The following CNOT10 variants were observed in gnomAD, a reference collection of about 807,000 sequenced individuals.
CNOT10 encodes the protein CCR4-NOT transcription complex, subunit 10.
Under a neutral mutation model 94.6 loss-of-function variants are expected in CNOT10, and 30 were observed. That is an observed-to-expected ratio of 0.32 (90% CI 0.24 to 0.43). The LOEUF is 0.43. CNOT10 is among the 20% of genes least tolerant of loss of function. The pLI is 1.00. For missense variants in CNOT10, 759 were observed against 877.2 expected, an observed-to-expected ratio of 0.87 and a Z score of 1.70; for synonymous variants, 289 against 301.6, an observed-to-expected ratio of 0.96 and a Z score of 0.43.
rs777391696 is a variant in CNOT10, at chr3:32,755,319, C to CT, written c.1596-4123dup. On this transcript the variant is annotated intron_variant, in intron 13 of 18. Transcript: ENST00000328834. ...TATTTTCTTTTTTCTTTTTCTTTTTCTTTTTTTTTTTTTTTTGAGACAGAG... is the reference window on the plus strand; with the variant it reads ...TATTTTCTTTTTTCTTTTTCTTTTTCTTTTTTTTTTTTTTTTTGAGACAGAG... 5.1e-3 allele frequency among the ~76,000 whole-genome samples: 668 copies of CT among 131,142 alleles called. 2 individuals carry two copies. Among genetic ancestry groups the CT allele is most frequent in the African/African-American group, 9.2e-3 (328 of 35,616 alleles). The allele number at this position is 131,142 out of a possible 152,430, so 86.0% of individuals were successfully genotyped here. A position where few individuals can be genotyped will look rare whatever the true frequency, so the allele number is the denominator to read the frequency against.
At chr3:32,737,885 A>G (rs951322326) in intron 13 of CNOT10, among the ~76,000 whole-genome samples, 10 of 152,130 alleles carry the variant, frequency 6.6e-5, no homozygotes, top group East Asian at 1.9e-4. Flanking sequence ...TGTTAAACCA[A>G]TCTTTCAATC....
chr3:32,728,144 A>T (rs1698768791), intron 10 of CNOT10, among the ~76,000 whole-genome samples: 1 of 151,824 alleles, frequency 6.6e-6, no homozygotes, highest in Admixed American at 6.6e-5. Flanking sequence ...CCACATGCAC[A>T]TGCCACCACG....
chr3:32,746,316 A>T (rs186707281), intron 13 of CNOT10, among the ~76,000 whole-genome samples: 1 of 152,164 alleles, frequency 6.6e-6, no homozygotes, highest in African/African-American at 2.4e-5. Context: ...TGATTCAAAA[A>T]CATTACATTT....
At chr3:32,724,687 C>T (rs111300439) in intron 8 of CNOT10, among the ~76,000 whole-genome samples, 5,969 of 152,202 alleles carry the variant, frequency 0.039, 185 homozygotes, top group African/African-American at 0.079. Context: ...GCTGGGATTA[C>T]AGGCGTGAGC....
At chr3:32,768,763 C>T (rs570278631) in intron 17 of CNOT10, among the ~76,000 whole-genome samples, 1 of 152,188 alleles carries the variant, frequency 6.6e-6, no homozygotes, top group Non-Finnish European at 1.5e-5. Flanking sequence ...GAAGCACATG[C>T]TCTGGGCAAC....
At chr3:32,747,964 C>CAA (rs35943950) in intron 13 of CNOT10, among the ~76,000 whole-genome samples, 2 of 150,370 alleles carry the variant, frequency 1.3e-5, no homozygotes, top group African/African-American at 2.4e-5. Context: ...CCCCCACCTC[C>CAA]AAAAAAAAAG....
chr3:32,767,285 G>A (rs778137032), intron 17 of CNOT10, among the ~76,000 whole-genome samples: 32 of 152,058 alleles, frequency 2.1e-4, no homozygotes, highest in Admixed American at 5.9e-4. Context: ...TTGGGAGGCC[G>A]AGGCAGGCAG....
rs190192864 is a variant in CNOT10 at position 32,771,784 on chromosome 3, A to G, written c.2081-1673A>G. Among the ~76,000 whole-genome samples, 70 of 152,322 alleles carry G rather than the reference A, an allele frequency of 4.6e-4. 2 individuals carry two copies. In the East Asian group the frequency reaches 0.011, roughly 24 times the overall value. On this transcript the variant is annotated intron_variant, in intron 18 of 18. Transcript: ENST00000328834. The stretch of plus-strand genomic sequence containing the variant: ...AGACACTTAATTATAATTAATCACT[A>G]TTAATTAACCTTTCTCCTAGGCAGC...
intron 1 of CNOT10, among the ~76,000 whole-genome samples, chr3:32,696,708 C>T (rs1697086600): frequency 6.6e-6 from 1 of 151,974 alleles, no homozygotes; most frequent in South Asian, 2.1e-4. Context: ...AAGTGATCCT[C>T]CCTCCTCAGC....
intron 1 of CNOT10, among the ~76,000 whole-genome samples, chr3:32,692,700 C>T (rs1034644641): frequency 1.3e-5 from 2 of 152,078 alleles, no homozygotes; most frequent in African/African-American, 4.8e-5. Flanking sequence ...ATGATTTTTA[C>T]CTAGTTCTAT....
intron 1 of CNOT10, among the ~76,000 whole-genome samples, chr3:32,692,232 A>G (rs1373897897): frequency 1.3e-5 from 2 of 152,098 alleles, no homozygotes; most frequent in Admixed American, 1.3e-4. Context: ...GTGTGGTGGC[A>G]TGTGCCTGTA....
intron 1 of CNOT10, among the ~76,000 whole-genome samples, chr3:32,691,639 A>G (rs759410826): frequency 2.6e-5 from 4 of 152,236 alleles, no homozygotes; most frequent in Non-Finnish European, 5.9e-5. Flanking sequence ...AAAATAGGTT[A>G]TAAACATCAT....
At chr3:32,705,535 C>T (rs1044066200) in intron 3 of CNOT10, among the ~76,000 whole-genome samples, 1 of 152,102 alleles carries the variant, frequency 6.6e-6, no homozygotes, top group Non-Finnish European at 1.5e-5. Context: ...CTCTGCCAAG[C>T]GCTTGTATGC....
chr3:32,764,755 C>A lies in CNOT10; in HGVS notation c.1950C>A (p.Gly650=). 6.2e-7 allele frequency: 1 copy of A among 1,614,160 alleles called. No homozygotes were observed. The highest frequency in any genetic ancestry group is 1.1e-5 in the South Asian group (1 of 91,086). The change falls in exon 17 of 19, where the codon GGC becomes GGA. Residue 650 remains glycine, a synonymous_variant. Transcript: ENST00000328834. ...SARTVMLFNL[G]SAYCLRSEYD... ...GGACTGTGATGCTGTTCAACCTTGG[C>A]AGCGCTTACTGCCTGAGGAGCGAAT...
chr3:32,753,648 T>C, intron 13 of CNOT10: 1 of 1,571,608 alleles, frequency 6.4e-7, no homozygotes, highest in Non-Finnish European at 8.7e-7. Flanking sequence ...CATCATCATC[T>C]CCTTATACAA....
chr3:32,703,650 T>A (rs569637365), intron 1 of CNOT10: 1 of 398,678 alleles, frequency 2.5e-6, no homozygotes, highest in African/African-American at 2.1e-5. Context: ...ACTTCCTGGA[T>A]GGGACAGAGC....
intron 13 of CNOT10, chr3:32,753,659 G>A: frequency 6.3e-7 from 1 of 1,577,384 alleles, no homozygotes; most frequent in Non-Finnish European, 8.7e-7. Context: ...CCTTATACAA[G>A]AAATTGGGAT....
chr3:32,749,131 T>C (rs1277810588), intron 13 of CNOT10, among the ~76,000 whole-genome samples: 4 of 151,964 alleles, frequency 2.6e-5, no homozygotes, highest in Non-Finnish European at 5.9e-5. Flanking sequence ...CAAGAGTTCT[T>C]TATATGTCCT....
chr3:32,754,911 AT>A (rs1347256046), intron 13 of CNOT10, among the ~76,000 whole-genome samples: 1 of 151,642 alleles, frequency 6.6e-6, no homozygotes, highest in African/African-American at 2.4e-5. Flanking sequence ...AAAAAAAAAA[AT>A]AGATATTTAG....
Sources: allele counts gnomAD v4.1 joint callset (sites outside exome capture counted in the v4.1 genomes callset), GRCh38; gene constraint gnomAD v4.1.1; transcripts MANE v1.5; gene names NCBI Gene and HGNC (gene_info 2026-07-23, HGNC 2026-07-21).